The following MCPH1 variants were observed in gnomAD, a reference collection of about 807,000 sequenced individuals.
MCPH1 encodes the protein microcephalin.
A neutral mutation model predicts 84.5 loss-of-function variants in MCPH1; 104 were observed. That is an observed-to-expected ratio of 1.23 (90% CI 1.05 to 1.45). The LOEUF (loss-of-function observed/expected upper bound fraction) is 1.45, where lower values mean the gene tolerates loss of function less well. MCPH1 is among the 40% of genes most tolerant of loss of function. The probability of loss-of-function intolerance (pLI) is 0.00; values close to 1 mark genes in which losing one functional copy is unlikely to be tolerated. For synonymous variants in MCPH1, 514 were observed against 366.8 expected, an observed-to-expected ratio of 1.40 and a Z score of -4.58; for missense variants, 1,498 against 1,005.7, an observed-to-expected ratio of 1.49 and a Z score of -6.62.
intron 12 of MCPH1, among the ~76,000 whole-genome samples, chr8:6,592,633 T>G (rs1226446604): frequency 1.4e-5 from 2 of 142,308 alleles, no homozygotes; most frequent in Non-Finnish European, 3.1e-5. Flanking sequence ...GTTTTTTTTT[T>G]TTTTTTTTTT....
intron 8 of MCPH1, chr8:6,447,158 A>G (rs1804516191): frequency 2.0e-6 from 2 of 985,340 alleles, no homozygotes; most frequent in South Asian, 4.7e-5. Flanking sequence ...TGGCTAGCCT[A>G]AATCGAACCC....
At chr8:6,601,929 T>C (rs1829406131) in intron 12 of MCPH1, among the ~76,000 whole-genome samples, 1 of 152,268 alleles carries the variant, frequency 6.6e-6, no homozygotes, top group South Asian at 2.1e-4. Context: ...CCAGTATAAA[T>C]ACTATCATAT....
intron 3 of MCPH1, among the ~76,000 whole-genome samples, chr8:6,418,739 G>C (rs142534656): frequency 4.9e-4 from 74 of 152,092 alleles, no homozygotes; most frequent in African/African-American, 1.6e-3. Flanking sequence ...GTGCCACCAC[G>C]CCCAGCTAAT....
At chr8:6,584,127 A>G (rs543622935) in intron 12 of MCPH1, among the ~76,000 whole-genome samples, 4 of 152,282 alleles carry the variant, frequency 2.6e-5, no homozygotes, top group African/African-American at 9.6e-5. Flanking sequence ...CTAATCTGTA[A>G]TAGAAACCCT....
Position 6,591,985 on chromosome 8 carries a change from A to G in MCPH1, c.2215-29469A>G, listed in dbSNP as rs1003277692. Among the ~76,000 whole-genome samples, 10 of 152,178 alleles carry G rather than the reference A, an allele frequency of 6.6e-5. No individual in the cohort carries two copies. The East Asian group carries it at 1.2e-3, about 18-fold the overall frequency. ...ACAGAAGTAGGGAAAAAATTCGACAACGCAAAGTGAGAGTGGGAAACCATG... is the reference window on the plus strand; with the variant it reads ...ACAGAAGTAGGGAAAAAATTCGACAGCGCAAAGTGAGAGTGGGAAACCATG... On this transcript the variant is annotated intron_variant, in intron 12 of 13. Coordinates refer to ENST00000344683, the MANE Select transcript of MCPH1 (RefSeq NM_024596.5).
chr8:6,465,202 C>G (rs754337264), intron 9 of MCPH1, among the ~76,000 whole-genome samples: 2 of 152,094 alleles, frequency 1.3e-5, no homozygotes, highest in Admixed American at 6.6e-5. Context: ...TTGAGATATT[C>G]GGAAACTCAA....
Position 6,610,954 on chromosome 8 carries a change from C to T in MCPH1, c.2215-10500C>T, listed in dbSNP as rs368835792. On this transcript the variant is annotated intron_variant, in intron 12 of 13. Transcript: ENST00000344683. ...AAATTTAGCAGAAAATGAATCCATG[C>T]GCTTGTGGCTTTGCTTGTCACCTCT... Among the ~76,000 whole-genome samples the T allele has an allele frequency of 8.5e-5, 13 of 152,194 alleles. No homozygotes were observed. In the East Asian group the frequency reaches 1.2e-3, roughly 14 times the overall value.
chr8:6,627,735 T>G (rs1001978214), intron 13 of MCPH1, among the ~76,000 whole-genome samples: 5 of 151,876 alleles, frequency 3.3e-5, no homozygotes, highest in Non-Finnish European at 5.9e-5. Context: ...TACAAAAAAG[T>G]ACAATAATTA....
intron 13 of MCPH1, among the ~76,000 whole-genome samples, chr8:6,623,165 T>C (rs1275767821): frequency 6.6e-6 from 1 of 151,938 alleles, no homozygotes; most frequent in Admixed American, 6.5e-5. Context: ...AGTGGCATCA[T>C]TTTAACTTGT....
intron 12 of MCPH1, among the ~76,000 whole-genome samples, chr8:6,615,336 G>A (rs1563192794): frequency 6.6e-6 from 1 of 152,192 alleles, no homozygotes; most frequent in African/African-American, 2.4e-5. Flanking sequence ...AACTTCTAGG[G>A]TGTCCTGAGA....
At chr8:6,479,723 C>T (rs1345265460) in intron 10 of MCPH1, among the ~76,000 whole-genome samples, 1 of 151,992 alleles carries the variant, frequency 6.6e-6, no homozygotes, top group Non-Finnish European at 1.5e-5. Context: ...AAACTAATGT[C>T]AGAACTAATG....
At chr8:6,436,448 A>G (rs542008599) in intron 5 of MCPH1, among the ~76,000 whole-genome samples, 1 of 152,298 alleles carries the variant, frequency 6.6e-6, no homozygotes, top group South Asian at 2.1e-4. Context: ...TTTGGCTAAT[A>G]AGCATTATTG....
Position 6,431,570 on chromosome 8 carries a change from G to T in MCPH1, c.305G>T (p.Ser102Ile), listed in dbSNP as rs2290145. Reference sequence around the variant, plus strand: ...GCTAATATGAATGAACACTTATCAAGCCTAATTAAAAAAAAAGTAAGTACA... The same window carrying T: ...GCTAATATGAATGAACACTTATCAATCCTAATTAAAAAAAAAGTAAGTACA... ...PAANMNEHLS[S>I]LIKKKRKCMQ... Residue 102 changes from serine (S) to isoleucine (I), a missense_variant, in exon 4 of 14, where the codon AGC (serine) becomes ATC (isoleucine). Coordinates refer to ENST00000344683, the MANE Select transcript of MCPH1 (RefSeq NM_024596.5). The T allele has an allele frequency of 1.9e-6, 3 of 1,609,644 alleles. No homozygotes were observed. The highest frequency in any genetic ancestry group is 2.7e-5 in the African/African-American group (2 of 74,780).
chr8:6,421,123 G>A (rs1800133828), intron 3 of MCPH1, among the ~76,000 whole-genome samples: 2 of 152,202 alleles, frequency 1.3e-5, no homozygotes, highest in Non-Finnish European at 1.5e-5. Context: ...GAAGTTGTGT[G>A]GGTGCCCATC....
At chr8:6,440,594 G>C (rs562756078) in intron 6 of MCPH1, among the ~76,000 whole-genome samples, 1 of 152,294 alleles carries the variant, frequency 6.6e-6, no homozygotes, top group South Asian at 2.1e-4. Flanking sequence ...TTGTTTATAA[G>C]AATGCCCCTT....
At chr8:6,593,334 C>T (rs1043030985) in intron 12 of MCPH1, among the ~76,000 whole-genome samples, 12 of 151,934 alleles carry the variant, frequency 7.9e-5, no homozygotes, top group African/African-American at 2.2e-4. Flanking sequence ...CCGCCCACCT[C>T]GGCCTCCCAA....
chr8:6,612,807 C>T (rs1398580860), intron 12 of MCPH1, among the ~76,000 whole-genome samples: 2 of 152,226 alleles, frequency 1.3e-5, no homozygotes, highest in African/African-American at 4.8e-5. Flanking sequence ...CTGTGAACCC[C>T]GCAATTTCGT....
intron 13 of MCPH1, among the ~76,000 whole-genome samples, chr8:6,630,025 G>C (rs1280020413): frequency 6.6e-6 from 1 of 152,228 alleles, no homozygotes; most frequent in East Asian, 1.9e-4. Context: ...AAAGTAGTTG[G>C]ATGAAATGAT....
At chr8:6,586,522 G>T (rs902274168) in intron 12 of MCPH1, among the ~76,000 whole-genome samples, 1 of 152,172 alleles carries the variant, frequency 6.6e-6, no homozygotes, top group African/African-American at 2.4e-5. Flanking sequence ...GGAGGAGACC[G>T]CCCTTCTTTC....
Sources: allele counts gnomAD v4.1 joint callset (sites outside exome capture counted in the v4.1 genomes callset), GRCh38; gene constraint gnomAD v4.1.1; transcripts MANE v1.5; gene names NCBI Gene and HGNC (gene_info 2026-07-23, HGNC 2026-07-21).